ZMIZ1: variants seen among roughly 807,000 people sequenced by gnomAD.
ZMIZ1 encodes zinc finger MIZ domain-containing protein 1.
ZMIZ1 carries 17 observed loss-of-function variants against 113.9 expected under a neutral mutation model. The observed-to-expected ratio is 0.15, with a 90% CI of 0.10 to 0.22. The LOEUF (loss-of-function observed/expected upper bound fraction) is 0.22, where lower values mean the gene tolerates loss of function less well. ZMIZ1 is among the 10% of genes least tolerant of loss of function. The probability of loss-of-function intolerance (pLI) is 1.00; values close to 1 mark genes in which losing one functional copy is unlikely to be tolerated. For synonymous variants in ZMIZ1, 607 were observed against 603.1 expected (o/e 1.01, Z -0.09); for missense variants, 1,059 against 1,477.8 (o/e 0.72, Z 4.65).
chr10:79,202,586 T>C (rs932976128), intron 5 of ZMIZ1, among the ~76,000 whole-genome samples: 1 of 152,174 alleles, frequency 6.6e-6, no homozygotes, highest in Non-Finnish European at 1.5e-5. Flanking sequence ...CTAATTCCAG[T>C]GAGTGCCATG....
chr10:79,100,371 CA>C (rs1158072908), intron 1 of ZMIZ1, among the ~76,000 whole-genome samples: 1 of 145,504 alleles, frequency 6.9e-6, no homozygotes, highest in Non-Finnish European at 1.5e-5. Context: ...TTTGGGAGGT[CA>C]AGGTGGGAGA....
In ZMIZ1 at chr10:79,307,578, A is replaced by T; in HGVS notation, c.2835+7A>T. The T allele has an allele frequency of 6.2e-7, 1 of 1,603,324 alleles. No homozygotes were observed. On this transcript the variant is annotated splice_region_variant and intron_variant, in intron 23 of 24. Transcript: ENST00000334512. ...CCACCCCATGCAGGAAACTGTGAGT[A>T]CCTCCTCCTCACCCCATTCCATTCC...
At chr10:79,088,542 G>GT (rs1842887674) in intron 1 of ZMIZ1, among the ~76,000 whole-genome samples, 2 of 152,238 alleles carry the variant, frequency 1.3e-5, no homozygotes, top group African/African-American at 4.8e-5. Context: ...GGAGTTGCCA[G>GT]TGAGAGGGTG....
At chr10:79,271,555 G>T (rs1564569327) in intron 7 of ZMIZ1, among the ~76,000 whole-genome samples, 4 of 152,276 alleles carry the variant, frequency 2.6e-5, no homozygotes, top group East Asian at 3.9e-4. Context: ...GGGTTGCAGG[G>T]ATTGGTGAGG....
In ZMIZ1 at chr10:79,304,188, A is replaced by G; in HGVS notation, c.2286+13A>G. On this transcript the variant is annotated intron_variant, in intron 19 of 24. Transcript: ENST00000334512. ...CAAGCATGTGCAGGTGAGCGGCCCC[A>G]GAAAGCACAGCTCTGGCAAGCCACC... The G allele has an allele frequency of 6.2e-7, 1 of 1,609,438 alleles. No individual in the cohort carries two copies. Among genetic ancestry groups the G allele is most frequent in the Non-Finnish European group, 8.5e-7 (1 of 1,176,628 alleles).
intron 1 of ZMIZ1, among the ~76,000 whole-genome samples, chr10:79,079,958 T>C (rs1842603400): frequency 6.6e-6 from 1 of 152,214 alleles, no homozygotes; most frequent in South Asian, 2.1e-4. Flanking sequence ...GGCACTTATA[T>C]TGAGGGGCAC....
rs200069093 is a variant in ZMIZ1 at position 79,253,265 on chromosome 10, G to A, written c.281-23916G>A. On this transcript the variant is annotated intron_variant, in intron 7 of 24. Transcript: ENST00000334512. ...CAGTTGAACATGCATGTGTCCACTA[G>A]GACGTGTGGGGGTCGTTTGCAAGTT... Among the ~76,000 whole-genome samples the A allele has an allele frequency of 2.0e-5, 3 of 152,310 alleles. No homozygotes were observed. In the East Asian group the frequency reaches 5.8e-4, roughly 29 times the overall value.
At chr10:79,162,818 G>A (rs1160595058) in intron 4 of ZMIZ1, among the ~76,000 whole-genome samples, 1 of 152,128 alleles carries the variant, frequency 6.6e-6, no homozygotes, top group Non-Finnish European at 1.5e-5. Flanking sequence ...CTCCCCCTGA[G>A]GACCCACCAG....
chr10:79,124,602 C>T (rs964186804), intron 2 of ZMIZ1, among the ~76,000 whole-genome samples: 6 of 152,230 alleles, frequency 3.9e-5, no homozygotes, highest in African/African-American at 1.2e-4. Flanking sequence ...GAGAGCACAG[C>T]TCCAGGTCCG....
chr10:79,204,028 C>T (rs993351376), intron 5 of ZMIZ1, among the ~76,000 whole-genome samples: 1 of 152,260 alleles, frequency 6.6e-6, no homozygotes, highest in Non-Finnish European at 1.5e-5. Flanking sequence ...CGGTCAGACA[C>T]AGCTCAGTGC....
intron 6 of ZMIZ1, among the ~76,000 whole-genome samples, chr10:79,215,062 G>A (rs1464285732): frequency 6.6e-6 from 1 of 152,178 alleles, no homozygotes. Flanking sequence ...AGATGGGTGG[G>A]ACCTTCAGGC....
intron 13 of ZMIZ1, among the ~76,000 whole-genome samples, 183 bp from the exon 14 acceptor site, chr10:79,297,430 A>G (rs1187665059): frequency 6.6e-6 from 1 of 152,246 alleles, no homozygotes; most frequent in African/African-American, 2.4e-5. Flanking sequence ...AGCTAGGGAC[A>G]GAGAGAGGCA....
chr10:79,247,408 G>A (rs755006731), intron 7 of ZMIZ1, among the ~76,000 whole-genome samples: 20 of 152,232 alleles, frequency 1.3e-4, no homozygotes, highest in Non-Finnish European at 2.2e-4. Flanking sequence ...GATGCACAGA[G>A]CTGGGAGCTA....
intron 7 of ZMIZ1, among the ~76,000 whole-genome samples, chr10:79,226,197 C>T (rs1849192302): frequency 6.6e-6 from 1 of 152,138 alleles, no homozygotes; most frequent in Admixed American, 6.6e-5. Context: ...AGCTTGTTCC[C>T]ATTTTAAGGG....
chr10:79,217,107 G>C (rs1301978376), intron 7 of ZMIZ1, among the ~76,000 whole-genome samples: 1 of 152,214 alleles, frequency 6.6e-6, no homozygotes, highest in Non-Finnish European at 1.5e-5. Context: ...CTGACTTCAG[G>C]GGTCATTGTA....
intron 4 of ZMIZ1, among the ~76,000 whole-genome samples, chr10:79,180,454 A>G (rs750136537): frequency 1.3e-5 from 2 of 152,134 alleles, no homozygotes; most frequent in African/African-American, 2.4e-5. Context: ...TCCTTTTTCC[A>G]GGGCCTAAGT....
chr10:79,286,033 T>G (rs553224992), intron 8 of ZMIZ1, among the ~76,000 whole-genome samples: 4 of 152,230 alleles, frequency 2.6e-5, no homozygotes, highest in Non-Finnish European at 5.9e-5. Context: ...GGGGCCGTTT[T>G]GGCTGGACAG....
chr10:79,148,904 G>A (rs1845602189), intron 3 of ZMIZ1, among the ~76,000 whole-genome samples: 1 of 152,242 alleles, frequency 6.6e-6, no homozygotes, highest in South Asian at 2.1e-4. Flanking sequence ...TGCAGGCAGA[G>A]CATCAAGCTG....
chr10:79,081,746 G>C (rs938702914), intron 1 of ZMIZ1, among the ~76,000 whole-genome samples: 21 of 152,242 alleles, frequency 1.4e-4, no homozygotes, highest in Admixed American at 4.6e-4. Context: ...AGGAGCGCTG[G>C]ATTTAGAGAC....
Sources: allele counts gnomAD v4.1 joint callset (sites outside exome capture counted in the v4.1 genomes callset), GRCh38; gene constraint gnomAD v4.1.1; transcripts MANE v1.5; gene names NCBI Gene and HGNC (gene_info 2026-07-23, HGNC 2026-07-21).